Variants in LRCH1 observed in about 807,000 individuals in gnomAD.
LRCH1 encodes the protein leucine rich repeats and calponin homology domain containing 1.
In LRCH1, 23 loss-of-function variants were observed where a neutral mutation model predicts 94.9. The observed-to-expected ratio is 0.24, with a 90% CI of 0.17 to 0.34. The LOEUF (loss-of-function observed/expected upper bound fraction) is 0.34. Ranked by LOEUF, LRCH1 falls within the 10% of genes least tolerant of loss-of-function variation. The probability of loss-of-function intolerance (pLI) is 1.00; values close to 1 mark genes in which losing one functional copy is unlikely to be tolerated. For synonymous variants in LRCH1, 364 were observed against 354.9 expected, an observed-to-expected ratio of 1.03 and a Z score of -0.29; for missense variants, 790 against 945.9, an observed-to-expected ratio of 0.84 and a Z score of 2.16.
intron 2 of LRCH1, among the ~76,000 whole-genome samples, chr13:46,665,141 TA>T (rs1487117555): frequency 6.6e-6 from 1 of 152,212 alleles, no homozygotes; most frequent in Non-Finnish European, 1.5e-5. Flanking sequence ...TATATTCCAG[TA>T]GAATTTAAAA....
intron 1 of LRCH1, among the ~76,000 whole-genome samples, chr13:46,633,194 T>C (rs1257222644): frequency 2.6e-5 from 4 of 152,212 alleles, no homozygotes; most frequent in African/African-American, 9.6e-5. Context: ...TTCATATTTT[T>C]GGGCTAAGGA....
chr13:46,568,532 C>CT (rs1429360301), intron 1 of LRCH1, among the ~76,000 whole-genome samples: 1 of 152,186 alleles, frequency 6.6e-6, no homozygotes, highest in East Asian at 1.9e-4. Context: ...TCTTTTTTAA[C>CT]TTTCATGCCA....
chr13:46,709,853 T>C (rs1304013713), intron 13 of LRCH1, among the ~76,000 whole-genome samples: 1 of 152,128 alleles, frequency 6.6e-6, no homozygotes, highest in Admixed American at 6.6e-5. Context: ...GGGGAATAGC[T>C]GGCCCTGATG....
intron 1 of LRCH1, among the ~76,000 whole-genome samples, chr13:46,648,613 T>G (rs906781530): frequency 2.0e-5 from 3 of 152,258 alleles, no homozygotes; most frequent in African/African-American, 7.2e-5. Flanking sequence ...TTTTTTAAAA[T>G]TCTGGAAGTA....
rs2050824420 is a variant in LRCH1 at position 46,617,507 on chromosome 13, T to C, written c.308-32694T>C. Among the ~76,000 whole-genome samples, 4 of 152,218 alleles carry C rather than the reference T, an allele frequency of 2.6e-5. No individual in the cohort carries two copies. In the South Asian group the frequency reaches 8.3e-4, roughly 32 times the overall value. Reference sequence around the variant, plus strand: ...ATGTGAGCTGCACATTCCTATTTGCTCCGCAGGGAGGCTGGCTAAGACACC... The same window carrying C: ...ATGTGAGCTGCACATTCCTATTTGCCCCGCAGGGAGGCTGGCTAAGACACC... On this transcript the variant is annotated intron_variant, in intron 1 of 19. Coordinates refer to ENST00000389797, the MANE Select transcript of LRCH1 (RefSeq NM_001164211.2).
At chr13:46,709,468 C>G (rs1043858831) in intron 13 of LRCH1, among the ~76,000 whole-genome samples, 1 of 152,190 alleles carries the variant, frequency 6.6e-6, no homozygotes, top group Non-Finnish European at 1.5e-5. Context: ...ATTTTCTGCT[C>G]TAATTGGGCA....
intron 1 of LRCH1, among the ~76,000 whole-genome samples, chr13:46,613,661 A>G (rs1283657118): frequency 1.3e-5 from 2 of 152,166 alleles, no homozygotes; most frequent in Non-Finnish European, 2.9e-5. Context: ...ACTCACAGAG[A>G]TTCTGATTTA....
chr13:46,748,286 T>A (rs903578883), downstream of LRCH1, among the ~76,000 whole-genome samples: 1 of 152,084 alleles, frequency 6.6e-6, no homozygotes, highest in Non-Finnish European at 1.5e-5. Context: ...GATTTTTTTT[T>A]TTTTAATGTT....
intron 19 of LRCH1, among the ~76,000 whole-genome samples, chr13:46,736,431 C>T (rs1479522114): frequency 1.3e-5 from 2 of 152,026 alleles, no homozygotes; most frequent in African/African-American, 4.8e-5. Flanking sequence ...GATGACTTCC[C>T]CACCCCACCT....
chr13:46,720,114 C>T (rs1292765984), intron 16 of LRCH1, among the ~76,000 whole-genome samples: 3 of 152,138 alleles, frequency 2.0e-5, no homozygotes, highest in African/African-American at 4.8e-5. Context: ...TGGCCAGGCA[C>T]GGTGGCTCAC....
At chr13:46,657,782 GC>G (rs1439622521) in intron 2 of LRCH1, among the ~76,000 whole-genome samples, 1 of 144,796 alleles carries the variant, frequency 6.9e-6, no homozygotes, top group Non-Finnish European at 1.5e-5. Context: ...GCCCGCCTTG[GC>G]CTCCCAAGGT....
intron 3 of LRCH1, among the ~76,000 whole-genome samples, chr13:46,681,134 G>A (rs1326850575): frequency 6.6e-6 from 1 of 152,252 alleles, no homozygotes; most frequent in East Asian, 1.9e-4. Context: ...AATTGCTTGT[G>A]AAGTGTATGG....
At chr13:46,575,799 T>C (rs1020738213) in intron 1 of LRCH1, among the ~76,000 whole-genome samples, 125 of 152,286 alleles carry the variant, frequency 8.2e-4, no homozygotes, top group African/African-American at 2.8e-3. Flanking sequence ...TCTCTTTAAA[T>C]TTTTCCTGAA....
chr13:46,749,217 GA>G (rs1288775490), downstream of LRCH1, among the ~76,000 whole-genome samples: 1 of 152,170 alleles, frequency 6.6e-6, no homozygotes, highest in Non-Finnish European at 1.5e-5. Flanking sequence ...TAAAAAGAAG[GA>G]AATCCTGTCA....
chr13:46,722,843 G>T lies in LRCH1; in HGVS notation c.1760-378G>T, dbSNP rs1020577004. Among the ~76,000 whole-genome samples the T allele has an allele frequency of 6.6e-5, 10 of 152,316 alleles. No homozygotes were observed. In the East Asian group the frequency reaches 1.5e-3, roughly 23 times the overall value. On this transcript the variant is annotated intron_variant, in intron 16 of 19. Transcript: ENST00000389797. ...ATACAACAATTCTAGAGCCTTATTT[G>T]AAATAAATTATCTGAATTTAATGAA...
chr13:46,610,611 A>G (rs947784690), intron 1 of LRCH1, among the ~76,000 whole-genome samples: 6 of 152,004 alleles, frequency 3.9e-5, no homozygotes, highest in African/African-American at 1.5e-4. Flanking sequence ...ACTTAGAACA[A>G]TGGTCTCCAG....
At chr13:46,651,776 C>T (rs1207871374) in intron 2 of LRCH1, among the ~76,000 whole-genome samples, 7 of 150,042 alleles carry the variant, frequency 4.7e-5, no homozygotes, top group Non-Finnish European at 1.0e-4. Context: ...TCTCAGCTCA[C>T]TGCAAGCTCC....
At chr13:46,740,978 T>TTTACTC (rs1475467740) in intron 19 of LRCH1, among the ~76,000 whole-genome samples, 1 of 152,176 alleles carries the variant, frequency 6.6e-6, no homozygotes, top group Non-Finnish European at 1.5e-5. Context: ...GGGGTGTACT[T>TTTACTC]TTACTCTCTA....
intron 5 of LRCH1, among the ~76,000 whole-genome samples, chr13:46,687,186 T>C (rs1171657800): frequency 1.3e-5 from 2 of 152,164 alleles, no homozygotes; most frequent in African/African-American, 2.4e-5. Context: ...CTCTAATTCC[T>C]GACCCCCAGG....
Sources: gnomAD v4.1 joint callset for allele counts (sites outside exome capture counted in the v4.1 genomes callset) on GRCh38, gnomAD v4.1.1 for gene constraint, MANE v1.5 for transcripts, NCBI Gene and HGNC (gene_info 2026-07-23, HGNC 2026-07-21) for gene names.